Variants in CPNE4 observed in about 807,000 individuals in gnomAD.
The protein encoded by CPNE4 is copine-4.
CPNE4 carries 25 observed loss-of-function variants against 67.9 expected under a neutral mutation model. The observed-to-expected ratio is 0.37, with a 90% CI of 0.27 to 0.51. CPNE4 has a LOEUF of 0.51. Ranked by LOEUF, CPNE4 falls within the 20% of genes least tolerant of loss-of-function variation. The probability of loss-of-function intolerance (pLI) is 0.93; values close to 1 mark genes in which losing one functional copy is unlikely to be tolerated. For synonymous variants in CPNE4, 242 were observed against 244.9 expected (o/e 0.99, Z 0.11); for missense variants, 464 against 690.8 (o/e 0.67, Z 3.68).
chr3:131,659,898 G>C lies in CPNE4; in HGVS notation c.681+9777C>G, dbSNP rs75620910. On this transcript the variant is annotated intron_variant, in intron 7 of 15. Coordinates refer to ENST00000429747, the MANE Select transcript of CPNE4 (RefSeq NM_130808.3). ...AATACTCTGTAGTACAATAATGTCA[G>C]GCAGTTGTTTCACAAGGAGCAGGTT... 5.2e-3 allele frequency among the ~76,000 whole-genome samples: 787 copies of C among 152,288 alleles called. 6 individuals carry two copies. The highest frequency in any genetic ancestry group is 0.018 in the African/African-American group (742 of 41,562).
In CPNE4 at chr3:131,534,387, G is replaced by T. The variant is rs1166791199; in HGVS notation, c.*808C>A. 6.6e-6 allele frequency: 1 copy of T among 152,136 alleles called. No homozygotes were observed. The highest frequency in any genetic ancestry group is 1.5e-5 in the Non-Finnish European group (1 of 68,024). The allele number at this position is 152,136 out of a possible 1,614,324, so 9.4% of individuals were successfully genotyped here. The stretch of plus-strand genomic sequence containing the variant: ...CATTCTCAAGCAGACTAGAAGCCAC[G>T]CTGTTTTTGATGGTCTCCATCATGA... On this transcript the variant is annotated 3_prime_UTR_variant, in exon 16 of 16. Coordinates refer to ENST00000429747, the MANE Select transcript of CPNE4 (RefSeq NM_130808.3).
chr3:131,875,250 T>G (rs377199474), intron 2 of CPNE4, among the ~76,000 whole-genome samples: 3 of 152,276 alleles, frequency 2.0e-5, no homozygotes, highest in Admixed American at 2.0e-4. Flanking sequence ...CTTTCAACCA[T>G]TGTGGAAGTC....
intron 2 of CPNE4, among the ~76,000 whole-genome samples, chr3:131,871,263 C>T (rs796119506): frequency 6.6e-6 from 1 of 152,230 alleles, no homozygotes; most frequent in African/African-American, 2.4e-5. Context: ...GAATGACTTC[C>T]TGTGCCCTGG....
intron 2 of CPNE4, among the ~76,000 whole-genome samples, chr3:131,775,830 T>G (rs895657598): frequency 2.6e-5 from 4 of 152,140 alleles, no homozygotes; most frequent in African/African-American, 9.7e-5. Context: ...ACAGTGCAAA[T>G]GTCATGGTTT....
At chr3:131,657,197 T>C (rs1294244235) in intron 7 of CPNE4, among the ~76,000 whole-genome samples, 1 of 152,228 alleles carries the variant, frequency 6.6e-6, no homozygotes, top group African/African-American at 2.4e-5. Context: ...AATGATTTCC[T>C]TCTGGTGTAA....
At chr3:131,679,019 T>G (rs34516134) in intron 6 of CPNE4, among the ~76,000 whole-genome samples, 1 of 152,204 alleles carries the variant, frequency 6.6e-6, no homozygotes, top group African/African-American at 2.4e-5. Context: ...CTATTTTTTG[T>G]GTATCTGGTA....
intron 1 of CPNE4, among the ~76,000 whole-genome samples, chr3:131,952,576 G>A (rs564620495): frequency 0.087 from 7,768 of 89,196 alleles, 482 homozygotes; most frequent in African/African-American, 0.24. Context: ...AGGTGGGGGG[G>A]TCAGCACCCC....
At chr3:131,907,835 A>G (rs2088831718) in intron 1 of CPNE4, among the ~76,000 whole-genome samples, 1 of 152,114 alleles carries the variant, frequency 6.6e-6, no homozygotes, top group South Asian at 2.1e-4. Flanking sequence ...TAGGTTAGGG[A>G]AATTTGTAGT....
intron 2 of CPNE4, among the ~76,000 whole-genome samples, chr3:131,858,823 T>C (rs2086559510): frequency 6.6e-6 from 1 of 152,090 alleles, no homozygotes; most frequent in Admixed American, 6.6e-5. Context: ...CTTTACAAAA[T>C]TGCAATTTGA....
chr3:131,700,985 A>G (rs1371955453), intron 3 of CPNE4, among the ~76,000 whole-genome samples: 1 of 151,662 alleles, frequency 6.6e-6, no homozygotes, highest in Non-Finnish European at 1.5e-5. Context: ...TCAGCAAACT[A>G]TCGCAAGGAC....
intron 7 of CPNE4, among the ~76,000 whole-genome samples, chr3:131,626,615 C>G (rs2079080590): frequency 6.6e-6 from 1 of 152,116 alleles, no homozygotes; most frequent in African/African-American, 2.4e-5. Flanking sequence ...GTCTCCATAC[C>G]AGAAAAGTAT....
At chr3:131,943,505 A>G (rs568731678) in intron 1 of CPNE4, among the ~76,000 whole-genome samples, 1 of 152,190 alleles carries the variant, frequency 6.6e-6, no homozygotes, top group African/African-American at 2.4e-5. Context: ...TATTACTACT[A>G]TTTGTGTTGC....
At chr3:131,821,762 C>A (rs2107970591) in intron 2 of CPNE4, among the ~76,000 whole-genome samples, 1 of 152,248 alleles carries the variant, frequency 6.6e-6, no homozygotes. Context: ...TATTCTTATG[C>A]CCACAAATCA....
At chr3:131,955,429 T>TTTTTTTTTTTTTTTTTTTTTC (rs57945572) in intron 1 of CPNE4, among the ~76,000 whole-genome samples, 5 of 136,650 alleles carry the variant, frequency 3.7e-5, no homozygotes, top group African/African-American at 1.4e-4. Flanking sequence ...TTTTTTTTTT[T>TTTTTTTTTTTTTTTTTTTTTC]TTTTTGTATG....
chr3:131,970,151 G>A (rs1272893809), intron 1 of CPNE4, among the ~76,000 whole-genome samples: 1 of 152,176 alleles, frequency 6.6e-6, no homozygotes, highest in Non-Finnish European at 1.5e-5. Flanking sequence ...ATCAGTATAT[G>A]AGCTGCCATT....
chr3:132,006,968 CTGAGCCTCTGCTATAA>C (rs2073625661), intron 1 of CPNE4, among the ~76,000 whole-genome samples: 1 of 152,160 alleles, frequency 6.6e-6, no homozygotes, highest in South Asian at 2.1e-4. Context: ...TGCTGAGAAG[CTGAGCCTCTGCTATAA>C]TAAAAGCTCC....
chr3:131,581,443 T>C, intron 9 of CPNE4, 136 bp downstream of exon 9: 1 of 635,518 alleles, frequency 1.6e-6, no homozygotes, highest in Non-Finnish European at 2.8e-6. Flanking sequence ...TTATGTTCTT[T>C]AATACATGAC....
At chr3:131,636,181 A>G (rs1349007151) in intron 7 of CPNE4, among the ~76,000 whole-genome samples, 1 of 151,972 alleles carries the variant, frequency 6.6e-6, no homozygotes, top group Admixed American at 6.5e-5. Flanking sequence ...GCTCCCTGAG[A>G]TGCCAAAAAA....
chr3:131,905,437 T>G lies in CPNE4; in HGVS notation c.7A>C (p.Lys3Gln). 1 of 1,612,450 alleles carries G rather than the reference T, an allele frequency of 6.2e-7. No homozygotes were observed. Among genetic ancestry groups the G allele is most frequent in the Non-Finnish European group, 8.5e-7 (1 of 1,179,278 alleles). MK[K>Q]MSNIYESAAN... ...GCGGACTCATAAATGTTGCTCATCT[T>G]CTTCATTCTGTTTTAGGCAAGTAAA... Residue 3 changes from lysine to glutamine, a missense_variant, in exon 2 of 16, where the codon AAG (lysine) becomes CAG (glutamine). Around this residue, in one of 6 missense-constraint regions of CPNE4, gnomAD observed 170 missense variants for 203.3 expected, o/e 0.84. Coordinates refer to ENST00000429747, the MANE Select transcript of CPNE4 (RefSeq NM_130808.3).
Sources: gnomAD v4.1 joint callset for allele counts (sites outside exome capture counted in the v4.1 genomes callset) on GRCh38, gnomAD v4.1.1 for gene constraint, gnomAD v4.1.1 regional missense constraint, MANE v1.5 for transcripts, NCBI Gene and HGNC (gene_info 2026-07-23, HGNC 2026-07-21) for gene names.